DDX60: variants seen among roughly 807,000 people sequenced by gnomAD.
DDX60 encodes DExD/H-box helicase 60, also known as probable ATP-dependent RNA helicase DDX60.
DDX60 carries 165 observed loss-of-function variants against 212.8 expected under a neutral mutation model. That is an observed-to-expected ratio of 0.78 (90% CI 0.68 to 0.88). DDX60 has a LOEUF of 0.88. Among genes scored for constraint, DDX60 ranks in the 40% least tolerant of loss-of-function variants. The pLI, the probability that DDX60 is intolerant of heterozygous loss-of-function variation, is 0.00. For synonymous variants in DDX60, 703 were observed against 685.3 expected (o/e 1.03, Z -0.40); for missense variants, 1,905 against 2,003.9 (o/e 0.95, Z 0.94).
At chr4:168,314,863 T>C (rs1400875329) in intron 1 of DDX60, among the ~76,000 whole-genome samples, 1 of 152,178 alleles carries the variant, frequency 6.6e-6, no homozygotes, top group East Asian at 1.9e-4. Flanking sequence ...ATAATGTGTT[T>C]AGATTGAAAT....
Position 168,311,361 on chromosome 4 carries a change from C to G in DDX60, c.-102G>C, listed in dbSNP as rs777866852. 8.1e-7 allele frequency: 1 copy of G among 1,232,862 alleles called. No homozygotes were observed. Among genetic ancestry groups the G allele is most frequent in the African/African-American group, 1.5e-5 (1 of 65,604 alleles). The allele number at this position is 1,232,862 out of a possible 1,614,324, so 76.4% of individuals were successfully genotyped here. A position where few individuals can be genotyped will look rare whatever the true frequency, so the allele number is the denominator to read the frequency against. On this transcript the variant is annotated 5_prime_UTR_variant, in exon 2 of 38. Coordinates refer to ENST00000393743, the MANE Select transcript of DDX60 (RefSeq NM_017631.6). The stretch of plus-strand genomic sequence containing the variant: ...AAGTGGCAGTTCTTAATGAAAATGG[C>G]AGTCCTGCAAAAAAAGAAAAGAAAA...
At chr4:168,223,711 T>C (rs903756205) in intron 35 of DDX60, among the ~76,000 whole-genome samples, 16 of 152,206 alleles carry the variant, frequency 1.1e-4, no homozygotes, top group African/African-American at 3.8e-4. Context: ...ACTATGATTT[T>C]GGAATAAAAT....
At chr4:168,283,831 T>C (rs1735700631) in intron 12 of DDX60, among the ~76,000 whole-genome samples, 2 of 127,284 alleles carry the variant, frequency 1.6e-5, no homozygotes, top group Admixed American at 7.5e-5. Flanking sequence ...CTAAATTAGG[T>C]ATCAGGTGCA....
At chr4:168,319,388 A>G (rs964949566), upstream of DDX60, among the ~76,000 whole-genome samples, 1 of 152,202 alleles carries the variant, frequency 6.6e-6, no homozygotes, top group Non-Finnish European at 1.5e-5. Flanking sequence ...CTGAAACCCC[A>G]CAATGAAATT....
At chr4:168,250,198 A>C (rs550528405) in intron 28 of DDX60, among the ~76,000 whole-genome samples, 11 of 152,312 alleles carry the variant, frequency 7.2e-5, no homozygotes, top group African/African-American at 2.2e-4. Flanking sequence ...TTCATGGTAG[A>C]AAAATTTGCC....
intron 33 of DDX60, among the ~76,000 whole-genome samples, chr4:168,235,046 T>G (rs1329164378): frequency 6.6e-6 from 1 of 152,122 alleles, no homozygotes; most frequent in African/African-American, 2.4e-5. Flanking sequence ...GCTGTTAAAT[T>G]TTCCAGTCCT....
intron 30 of DDX60, among the ~76,000 whole-genome samples, chr4:168,239,552 A>G (rs1733764861): frequency 1.3e-5 from 2 of 152,178 alleles, no homozygotes; most frequent in Admixed American, 1.3e-4. Flanking sequence ...TTGTCAATGC[A>G]GCAGACAGGG....
At chr4:168,311,705 C>T (rs1020475029) in intron 1 of DDX60, among the ~76,000 whole-genome samples, 9 of 151,980 alleles carry the variant, frequency 5.9e-5, no homozygotes, top group South Asian at 2.1e-4. Context: ...AGCTCAGTGG[C>T]GTGAAGGGTT....
At chr4:168,231,203 T>C (rs980488639) in intron 33 of DDX60, among the ~76,000 whole-genome samples, 5 of 151,684 alleles carry the variant, frequency 3.3e-5, no homozygotes, top group African/African-American at 1.2e-4. Context: ...GAGATTGAAA[T>C]GGTATATATT....
intron 14 of DDX60, 133 bp downstream of exon 14, chr4:168,280,196 TGTAAAG>T: frequency 1.1e-5 from 12 of 1,141,428 alleles, no homozygotes; most frequent in Non-Finnish European, 1.5e-5. Flanking sequence ...GGGAAACTAT[TGTAAAG>T]GTAATAATGT....
At chr4:168,311,232 T>C in intron 2 of DDX60, 24 bp downstream of exon 2, 1 of 1,610,398 alleles carries the variant, frequency 6.2e-7, no homozygotes, top group Non-Finnish European at 8.5e-7. Context: ...TTATAATCTA[T>C]AAATATTTTA....
intron 1 of DDX60, among the ~76,000 whole-genome samples, chr4:168,316,608 A>T (rs1737392949): frequency 6.6e-6 from 1 of 152,220 alleles, no homozygotes; most frequent in South Asian, 2.1e-4. Flanking sequence ...CAAAGAGTAG[A>T]TACAAGAGTG....
intron 25 of DDX60, among the ~76,000 whole-genome samples, chr4:168,258,898 T>C (rs777218018): frequency 6.6e-6 from 1 of 152,192 alleles, no homozygotes; most frequent in Non-Finnish European, 1.5e-5. Context: ...TCTTCAAAGA[T>C]GGGAACTTGA....
intron 29 of DDX60, among the ~76,000 whole-genome samples, chr4:168,247,823 G>T (rs1049582877): frequency 1.3e-5 from 2 of 152,172 alleles, no homozygotes; most frequent in African/African-American, 4.8e-5. Flanking sequence ...GCAAAATCTT[G>T]TGCACAGCAA....
At chr4:168,324,140 C>T in the DDX60 span, among the ~76,000 whole-genome samples, 1 of 152,216 alleles carries the variant, frequency 6.6e-6, no homozygotes, top group South Asian at 2.1e-4. Flanking sequence ...CTCCATCCTG[C>T]ATCCAGGAGG....
intron 7 of DDX60, 27 bp from the exon 8 acceptor site, chr4:168,291,933 C>G (rs749736176): frequency 6.5e-7 from 1 of 1,545,438 alleles, no homozygotes; most frequent in Non-Finnish European, 8.7e-7. Context: ...AGGTATAAGC[C>G]AGAGAACAGC....
intron 18 of DDX60, among the ~76,000 whole-genome samples, chr4:168,272,370 T>G (rs976965318): frequency 3.3e-5 from 5 of 152,240 alleles, no homozygotes; most frequent in Non-Finnish European, 5.9e-5. Flanking sequence ...GATTTGAAGT[T>G]TACATCCTTG....
Position 168,236,291 on chromosome 4 carries a change from T to C in DDX60, c.4494A>G (p.Pro1498=), listed in dbSNP as rs1012231283. Residue 1498 remains proline (P), a synonymous_variant, in exon 33 of 38, where the codon CCA becomes CCG. Coordinates refer to ENST00000393743, the MANE Select transcript of DDX60 (RefSeq NM_017631.6). Reference sequence around the variant, plus strand: ...ACTCGAAGTGTGCATCTTGGAACTTTGGTGGAAAATATCTTCTTCCAAAGA... The same window carrying C: ...ACTCGAAGTGTGCATCTTGGAACTTCGGTGGAAAATATCTTCTTCCAAAGA... The part of the protein sequence containing the change: ...AHLFGRRYFP[P]KFQDAHFEFY... The C allele has an allele frequency of 3.1e-6, 5 of 1,611,144 alleles. No homozygotes were observed. The highest frequency in any genetic ancestry group is 1.1e-5 in the South Asian group (1 of 90,826).
chr4:168,302,464 A>G (rs1456877103), intron 5 of DDX60, 48 bp from the exon 6 acceptor site: 3 of 828,738 alleles, frequency 3.6e-6, no homozygotes, highest in Admixed American at 7.2e-5. Context: ...TAAAATATGT[A>G]ATTATTTTCC....
Sources: gnomAD v4.1 joint callset for allele counts (sites outside exome capture counted in the v4.1 genomes callset) on GRCh38, gnomAD v4.1.1 for gene constraint, MANE v1.5 for transcripts, NCBI Gene and HGNC (gene_info 2026-07-23, HGNC 2026-07-21) for gene names.